Variants in DDX60L observed in about 807,000 individuals in gnomAD.
The protein encoded by DDX60L is DExD/H-box 60 like.
Under a neutral mutation model 211.6 loss-of-function variants are expected in DDX60L, and 191 were observed. That is an observed-to-expected ratio of 0.90 (90% confidence interval 0.80 to 1.02). The LOEUF (loss-of-function observed/expected upper bound fraction) is 1.02. DDX60L is among the 50% of genes least tolerant of loss of function. The pLI is 0.00. For missense variants in DDX60L, 2,007 were observed against 1,984.1 expected (o/e 1.01, Z -0.22); for synonymous variants, 706 against 694.1 (o/e 1.02, Z -0.27).
intron 1 of DDX60L, among the ~76,000 whole-genome samples, chr4:168,474,677 C>T (rs567969287): frequency 4.5e-4 from 68 of 151,878 alleles, no homozygotes; most frequent in Non-Finnish European, 9.1e-4. Context: ...AACAGAATCC[C>T]AAGTTAAAAG....
intron 29 of DDX60L, among the ~76,000 whole-genome samples, chr4:168,391,283 A>G (rs1458323519): frequency 1.3e-5 from 2 of 152,240 alleles, no homozygotes; most frequent in Non-Finnish European, 2.9e-5. Context: ...CTCAAGAAAT[A>G]TAAAAACTAC....
At chr4:168,412,567 C>A (rs1190523702) in intron 22 of DDX60L, among the ~76,000 whole-genome samples, 2 of 152,062 alleles carry the variant, frequency 1.3e-5, no homozygotes, top group African/African-American at 4.8e-5. Context: ...TCCCAAACAA[C>A]ATCTCTGGAC....
At chr4:168,359,391 AT>A (rs1468386067) in intron 37 of DDX60L, among the ~76,000 whole-genome samples, 1 of 152,180 alleles carries the variant, frequency 6.6e-6, no homozygotes, top group Non-Finnish European at 1.5e-5. Flanking sequence ...ATCATCATGT[AT>A]TCCCTACTTT....
intron 29 of DDX60L, chr4:168,390,258 C>A: frequency 9.3e-7 from 1 of 1,078,100 alleles, no homozygotes; most frequent in East Asian, 5.7e-5. Context: ...AAAAAGGAGA[C>A]CATAATTCTG....
In DDX60L at chr4:168,357,968, T is replaced by A. The variant is rs1024254235; in HGVS notation, c.*179A>T. 1.1e-5 allele frequency: 6 copies of A among 529,824 alleles called. No homozygotes were observed. Among genetic ancestry groups the A allele is most frequent in the Admixed American group, 3.8e-5 (1 of 26,074 alleles). The allele number at this position is 529,824 out of a possible 1,614,324, so 32.8% of individuals were successfully genotyped here. On this transcript the variant is annotated 3_prime_UTR_variant, in exon 38 of 38. Transcript: ENST00000682922. ...GTTTTGCCAAAAATGAAGTTAAAGC[T>A]CAGATATATTACATAACTTAAAGTC...
intron 9 of DDX60L, among the ~76,000 whole-genome samples, chr4:168,442,150 C>T (rs1286114994): frequency 2.0e-5 from 3 of 152,018 alleles, no homozygotes; most frequent in East Asian, 1.9e-4. Context: ...GTGCGCGCAC[C>T]GTGTGCGAGC....
chr4:168,399,858 T>G (rs13136504), intron 26 of DDX60L, among the ~76,000 whole-genome samples: 79,950 of 152,040 alleles, frequency 0.53, 21,735 homozygotes, highest in East Asian at 0.61. Flanking sequence ...ATTCTTTTGT[T>G]TTTAAGTTTT....
chr4:168,435,922 T>C (rs1752977691), intron 10 of DDX60L, among the ~76,000 whole-genome samples: 2 of 152,140 alleles, frequency 1.3e-5, no homozygotes, highest in African/African-American at 4.8e-5. Flanking sequence ...CAGCAAAATT[T>C]GTTGATGGTG....
At chr4:168,477,241 C>G (rs1561153727) in intron 1 of DDX60L, among the ~76,000 whole-genome samples, 1 of 152,032 alleles carries the variant, frequency 6.6e-6, no homozygotes, top group Non-Finnish European at 1.5e-5. Flanking sequence ...TGGTGAAACC[C>G]TGTCTCTACT....
intron 17 of DDX60L, among the ~76,000 whole-genome samples, chr4:168,420,780 G>T (rs778200909): frequency 1.3e-5 from 2 of 152,054 alleles, no homozygotes; most frequent in Admixed American, 6.6e-5. Context: ...ATGATTCCAG[G>T]TAAACCACCA....
At chr4:168,431,649 A>G (rs1752374353) in intron 12 of DDX60L, among the ~76,000 whole-genome samples, 3 of 151,960 alleles carry the variant, frequency 2.0e-5, no homozygotes, top group Admixed American at 6.6e-5. Context: ...ACATGTATAC[A>G]TATGTAACTA....
At chr4:168,386,857 T>C (rs1055246948) in intron 29 of DDX60L, among the ~76,000 whole-genome samples, 1 of 152,100 alleles carries the variant, frequency 6.6e-6, no homozygotes, top group African/African-American at 2.4e-5. Flanking sequence ...GAAGATTAGA[T>C]TGATTAGGAT....
intron 29 of DDX60L, among the ~76,000 whole-genome samples, chr4:168,387,173 G>A (rs543301242): frequency 1.3e-5 from 2 of 152,316 alleles, no homozygotes; most frequent in South Asian, 2.1e-4. Context: ...TCACGGCAGG[G>A]TGAGGGAGTG....
intron 35 of DDX60L, among the ~76,000 whole-genome samples, chr4:168,372,692 A>T (rs1252355874): frequency 6.6e-6 from 1 of 151,584 alleles, no homozygotes; most frequent in Non-Finnish European, 1.5e-5. Context: ...GTGCCACTGC[A>T]CTCCAGCCTG....
At chr4:168,461,678 T>G in intron 5 of DDX60L, 21 bp downstream of exon 5, 7 of 1,449,754 alleles carry the variant, frequency 4.8e-6, no homozygotes, top group African/African-American at 1.4e-5. Context: ...AGGAAAAAAA[T>G]GAGTTATTAA....
intron 37 of DDX60L, among the ~76,000 whole-genome samples, chr4:168,358,524 CTTTTTTTT>C (rs70961514): frequency 1.8e-5 from 2 of 108,306 alleles, no homozygotes; most frequent in Non-Finnish European, 3.8e-5. Context: ...TTTTCTTTTT[CTTTTTTTT>C]TTTTTTTTTT....
intron 25 of DDX60L, among the ~76,000 whole-genome samples, chr4:168,401,604 T>C (rs1416998842): frequency 2.0e-5 from 3 of 152,204 alleles, no homozygotes; most frequent in African/African-American, 7.2e-5. Context: ...GACAATATCA[T>C]ATGTCCATTT....
At chr4:168,440,544 A>AT (rs1753679946) in intron 10 of DDX60L, among the ~76,000 whole-genome samples, 1 of 151,840 alleles carries the variant, frequency 6.6e-6, no homozygotes, top group South Asian at 2.1e-4. Flanking sequence ...CACACTAAAC[A>AT]TATCTCAGCT....
At position 168,419,369 on chromosome 4, in the gene DDX60L, T is replaced by C; in HGVS notation, c.2543A>G (p.Glu848Gly). ...GCGATGAGGAGCAAGCAACAGGATT[T>C]CAAAACATTCCGGCACTGTAATAAG... is the stretch of plus-strand genomic sequence containing the variant. ...QVLITVPECF[E>G]ILLLAPHRQK... Residue 848 changes from glutamate to glycine, a missense_variant, in exon 19 of 38, where the codon GAA becomes GGA. Physicochemically the swap from Glu to Gly is moderately conservative, Grantham distance 98. Transcript: ENST00000682922. The C allele has an allele frequency of 6.3e-7, 1 of 1,595,270 alleles. No homozygotes were observed. The highest frequency in any genetic ancestry group is 2.2e-5 in the East Asian group (1 of 44,518).
Sources: allele counts gnomAD v4.1 joint callset (sites outside exome capture counted in the v4.1 genomes callset), GRCh38; gene constraint gnomAD v4.1.1; transcripts MANE v1.5; gene names NCBI Gene and HGNC (gene_info 2026-07-23, HGNC 2026-07-21).